Variants in ZSCAN18 observed in about 807,000 individuals in gnomAD.
The protein encoded by ZSCAN18 is zinc finger and SCAN domain containing 18.
A neutral mutation model predicts 31.1 loss-of-function variants in ZSCAN18; 16 were observed. The ratio of observed to expected loss-of-function variants is 0.51; its 90% confidence interval spans 0.35 to 0.78. The LOEUF is 0.78. ZSCAN18 is among the 30% of genes least tolerant of loss of function. The pLI is 0.01. For synonymous variants in ZSCAN18, 375 were observed against 320.7 expected, an observed-to-expected ratio of 1.17 and a Z score of -1.81; for missense variants, 731 against 697.4, an observed-to-expected ratio of 1.05 and a Z score of -0.54.
At chr19:58,113,425 G>T (rs73579142) in intron 1 of ZSCAN18, among the ~76,000 whole-genome samples, 3,871 of 152,172 alleles carry the variant, frequency 0.025, 157 homozygotes, top group African/African-American at 0.086. Context: ...CTGGGATGCC[G>T]GGGTGACTGC....
At position 58,089,920 on chromosome 19, in the gene ZSCAN18, G is replaced by A; in HGVS notation, c.348C>T (p.Ser116=). The A allele has an allele frequency of 6.2e-7, 1 of 1,613,984 alleles. No homozygotes were observed. Among genetic ancestry groups the A allele is most frequent in the Non-Finnish European group, 8.5e-7 (1 of 1,179,914 alleles). ...CCACCAGGGAGGCTGCCTTCTTGCA[G>A]CTCTCAGGGTACTGTGCCACCACCC... is the stretch of plus-strand genomic sequence containing the variant. ...RPWVVAQYPE[S]CKKAASLVEG... The change falls in exon 2 of 7, where the codon AGC becomes AGT. Residue 116 remains serine, a synonymous_variant. Coordinates refer to ENST00000601144, the MANE Select transcript of ZSCAN18 (RefSeq NM_001145543.2).
At chr19:58,114,493 ATACT>A (rs1421588966) in intron 1 of ZSCAN18, among the ~76,000 whole-genome samples, 2 of 151,304 alleles carry the variant, frequency 1.3e-5, no homozygotes, top group Non-Finnish European at 2.9e-5. Context: ...AGACATACAT[ATACT>A]TAAACACATG....
intron 1 of ZSCAN18, among the ~76,000 whole-genome samples, chr19:58,114,935 A>G (rs2074717934): frequency 6.6e-6 from 1 of 152,230 alleles, no homozygotes; most frequent in South Asian, 2.1e-4. Context: ...CATTCAAGAG[A>G]CGGTTGTAAG....
intron 2 of ZSCAN18, among the ~76,000 whole-genome samples, chr19:58,089,226 C>T (rs1379290657): frequency 7.5e-6 from 1 of 133,038 alleles, no homozygotes; most frequent in African/African-American, 2.9e-5. Context: ...TGGCGTGAAC[C>T]CGGGAGGCGG....
At chr19:58,085,668 G>T in intron 6 of ZSCAN18, 1 of 479,002 alleles carries the variant, frequency 2.1e-6, no homozygotes, top group Non-Finnish European at 3.7e-6. Context: ...CGCCTTTGGA[G>T]GTCTCCACCT....
At chr19:58,095,012 G>C (rs1194926426) in intron 1 of ZSCAN18, among the ~76,000 whole-genome samples, 2 of 151,560 alleles carry the variant, frequency 1.3e-5, no homozygotes, top group Non-Finnish European at 2.9e-5. Flanking sequence ...AGCTATGTTT[G>C]TGCCACTGTA....
intron 6 of ZSCAN18, 31 bp downstream of exon 6, chr19:58,086,143 C>A (rs751693060): frequency 3.4e-5 from 55 of 1,607,680 alleles, no homozygotes; most frequent in Non-Finnish European, 4.5e-5. Context: ...AAACCCCACC[C>A]GGCCCTAACA....
chr19:58,102,236 C>T, upstream of ZSCAN18, among the ~76,000 whole-genome samples: 1 of 151,988 alleles, frequency 6.6e-6, no homozygotes, highest in Middle Eastern at 3.4e-3. Context: ...AGGTGGGCTG[C>T]TCACGAGGTC....
Position 58,086,278 on chromosome 19 carries a change from T to G in ZSCAN18, c.746-12A>C, listed in dbSNP as rs925689681. ...GGAAAGCTGATACCCTGAGTGGGGT[T>G]AAAAACCAAAGAAATAAAAGGCATC... is the stretch of plus-strand genomic sequence containing the variant. On this transcript the variant is annotated splice_polypyrimidine_tract_variant and intron_variant, in intron 5 of 6. Coordinates refer to ENST00000601144, the MANE Select transcript of ZSCAN18 (RefSeq NM_001145543.2). 6.2e-7 allele frequency: 1 copy of G among 1,612,252 alleles called. No individual in the cohort carries two copies. The highest frequency in any genetic ancestry group is 8.5e-7 in the Non-Finnish European group (1 of 1,178,792).
At chr19:58,117,362 T>C (rs1408821551) in intron 1 of ZSCAN18, among the ~76,000 whole-genome samples, 1 of 151,652 alleles carries the variant, frequency 6.6e-6, no homozygotes. Context: ...CAGCCCAGTA[T>C]ACAACCGCAG....
chr19:58,096,751 T>C (rs2074526696), intron 1 of ZSCAN18, among the ~76,000 whole-genome samples: 1 of 152,240 alleles, frequency 6.6e-6, no homozygotes, highest in South Asian at 2.1e-4. Flanking sequence ...TGGTTGTTGA[T>C]GGGTCGCCGG....
chr19:58,099,960 C>A (rs1555802328), upstream of ZSCAN18, among the ~76,000 whole-genome samples: 1 of 74,956 alleles, frequency 1.3e-5, no homozygotes, highest in Non-Finnish European at 3.3e-5. Flanking sequence ...GTTTTGAAAG[C>A]TATGTTTTTT....
At chr19:58,087,430 AG>A in intron 3 of ZSCAN18, 26 bp from the exon 4 acceptor site, 1 of 1,577,166 alleles carries the variant, frequency 6.3e-7, no homozygotes, top group Non-Finnish European at 8.6e-7. Flanking sequence ...GGCAGAGCTG[AG>A]GCAATGAGCT....
chr19:58,115,952 A>T (rs1162258888), intron 1 of ZSCAN18, among the ~76,000 whole-genome samples: 1 of 152,092 alleles, frequency 6.6e-6, no homozygotes, highest in Non-Finnish European at 1.5e-5. Context: ...GGAAACTTCC[A>T]AGATGTTCAT....
At chr19:58,106,076 T>G (rs1023552194) in intron 1 of ZSCAN18, among the ~76,000 whole-genome samples, 1 of 152,182 alleles carries the variant, frequency 6.6e-6, no homozygotes, top group African/African-American at 2.4e-5. Context: ...TTAAAAACCT[T>G]CTGGAAATGA....
Position 58,084,615 on chromosome 19 carries a change from A to C in ZSCAN18, c.*70T>G. 1 of 1,380,206 alleles carries C rather than the reference A, an allele frequency of 7.2e-7. No individual in the cohort carries two copies. Among genetic ancestry groups the C allele is most frequent in the South Asian group, 1.5e-5 (1 of 64,880 alleles). The allele number at this position is 1,380,206 out of a possible 1,614,324, so 85.5% of individuals were successfully genotyped here. A position where few individuals can be genotyped will look rare whatever the true frequency, so the allele number is the denominator to read the frequency against. ...GGAAGCCGCCACCCAGGGGCGTGGA[A>C]AGGCCCAATGCCTCGTCTGGGATTC... On this transcript the variant is annotated 3_prime_UTR_variant, in exon 7 of 7. Transcript: ENST00000601144. The surrounding 1 kb of genome is among the most constrained non-coding windows in gnomAD (Gnocchi z 4.5).
intron 1 of ZSCAN18, chr19:58,093,385 G>A (rs1272582487): frequency 6.6e-6 from 1 of 152,096 alleles, no homozygotes; most frequent in Non-Finnish European, 1.5e-5. Flanking sequence ...CATCTCTGTG[G>A]GGTCCTTTCT....
intron 6 of ZSCAN18, chr19:58,085,966 C>T (rs2074271301): frequency 1.8e-6 from 1 of 564,296 alleles, no homozygotes; most frequent in African/African-American, 1.9e-5. Flanking sequence ...CCGTTTCCAC[C>T]GACCAAGTCT....
At position 58,098,206 on chromosome 19, in the gene ZSCAN18, C is replaced by T; in HGVS notation, c.-152G>A. 1.0e-6 allele frequency: 1 copy of T among 985,518 alleles called. No homozygotes were observed. Among genetic ancestry groups the T allele is most frequent in the Non-Finnish European group, 1.2e-6 (1 of 830,002 alleles). The allele number at this position is 985,518 out of a possible 1,614,324, so 61.0% of individuals were successfully genotyped here. A position where few individuals can be genotyped will look rare whatever the true frequency, so the allele number is the denominator to read the frequency against. On this transcript the variant is annotated 5_prime_UTR_variant, in exon 1 of 7. Coordinates refer to ENST00000601144, the MANE Select transcript of ZSCAN18 (RefSeq NM_001145543.2). ...GCAGCTACCCCAGGCCGGTCCCAGCCGCCCGGAGCCCCAGTGCGCGATGGC... is the reference window on the plus strand; with the variant it reads ...GCAGCTACCCCAGGCCGGTCCCAGCTGCCCGGAGCCCCAGTGCGCGATGGC...
Sources: allele counts gnomAD v4.1 joint callset (sites outside exome capture counted in the v4.1 genomes callset), GRCh38; gene constraint gnomAD v4.1.1; non-coding constraint Gnocchi (gnomAD v3.1); transcripts MANE v1.5; gene names NCBI Gene and HGNC (gene_info 2026-07-23, HGNC 2026-07-21).